ITGA6: variants seen among roughly 807,000 people sequenced by gnomAD.
ITGA6 encodes integrin subunit alpha 6.
A neutral mutation model predicts 133.6 loss-of-function variants in ITGA6; 63 were observed. That is an observed-to-expected ratio of 0.47 (90% confidence interval 0.38 to 0.58). The LOEUF (loss-of-function observed/expected upper bound fraction) is 0.58, where lower values mean the gene tolerates loss of function less well. Ranked by LOEUF, ITGA6 falls within the 20% of genes least tolerant of loss-of-function variation. The probability of loss-of-function intolerance (pLI) is 0.00; values close to 1 mark genes in which losing one functional copy is unlikely to be tolerated. For synonymous variants in ITGA6, 434 were observed against 482.0 expected (o/e 0.90, Z 1.30); for missense variants, 1,068 against 1,309.4 (o/e 0.82, Z 2.85).
chr2:172,488,008 T>A lies in ITGA6; in HGVS notation c.2372T>A (p.Val791Glu). The A allele has an allele frequency of 1.2e-6, 2 of 1,613,978 alleles. No individual in the cohort carries two copies. Among genetic ancestry groups the A allele is most frequent in the Non-Finnish European group, 1.7e-6 (2 of 1,179,876 alleles). The change falls in exon 18 of 26, where the codon GTG becomes GAG. Residue 791 changes from valine to glutamate, a missense_variant. By Grantham distance (121) the Val-to-Glu change is moderately radical. Transcript: ENST00000684293. Reference sequence around the variant, plus strand: ...GCTCCAATTACAGCTAAAGCAAAAGTGGTTATTGAACTGCTTTTATCGGTC... The same window carrying A: ...GCTCCAATTACAGCTAAAGCAAAAGAGGTTATTGAACTGCTTTTATCGGTC... Reference protein sequence around the residue: ...NLAPITAKAKVVIELLLSVSG... With the variant: ...NLAPITAKAKEVIELLLSVSG...
At chr2:172,468,092 A>G (rs1225389732) in intron 3 of ITGA6, among the ~76,000 whole-genome samples, 2 of 152,262 alleles carry the variant, frequency 1.3e-5, no homozygotes, top group African/African-American at 2.4e-5. Context: ...CCTTTACTAA[A>G]TATTCCTACA....
chr2:172,466,516 A>T (rs1365073422), intron 2 of ITGA6, among the ~76,000 whole-genome samples: 1 of 152,154 alleles, frequency 6.6e-6, no homozygotes, highest in Non-Finnish European at 1.5e-5. Flanking sequence ...GCTACTTAGG[A>T]GGCTGAGGCG....
At chr2:172,428,135 T>G (rs1405770603) in intron 1 of ITGA6, 165 bp downstream of exon 1, 2 of 457,424 alleles carry the variant, frequency 4.4e-6, no homozygotes, top group African/African-American at 2.1e-5. Flanking sequence ...CTCCCCGCCC[T>G]GACCCGCCCC....
intron 9 of ITGA6, among the ~76,000 whole-genome samples, chr2:172,479,404 A>G (rs940155330): frequency 2.6e-5 from 4 of 152,260 alleles, no homozygotes; most frequent in Non-Finnish European, 4.4e-5. Context: ...CATGTTGCAC[A>G]TGTACTCATA....
At chr2:172,475,808 A>G in intron 8 of ITGA6, 123 bp downstream of exon 8, 1 of 674,180 alleles carries the variant, frequency 1.5e-6, no homozygotes, top group Non-Finnish European at 2.7e-6. Context: ...AATAGTATAA[A>G]TTTTTTAAAA....
intron 15 of ITGA6, 33 bp downstream of exon 15, chr2:172,487,486 A>T (rs758208875): frequency 1.1e-5 from 17 of 1,611,790 alleles, no homozygotes; most frequent in Non-Finnish European, 1.4e-5. Flanking sequence ...TGAGAGGGGA[A>T]AAAAATCAAC....
rs1168502387 is a variant in ITGA6, at chr2:172,505,278, G to C, written c.*1210G>C. ...CTTGGAGAAAATGGGTTTATTCACTGAACTCTAGTGCGGTTTACTCACTGC... is the reference window on the plus strand; with the variant it reads ...CTTGGAGAAAATGGGTTTATTCACTCAACTCTAGTGCGGTTTACTCACTGC... On this transcript the variant is annotated 3_prime_UTR_variant, in exon 26 of 26. Coordinates refer to ENST00000684293, the MANE Select transcript of ITGA6 (RefSeq NM_000210.4). The C allele has an allele frequency of 6.6e-6, 1 of 152,162 alleles. No homozygotes were observed. Among genetic ancestry groups the C allele is most frequent in the Admixed American group, 6.5e-5 (1 of 15,272 alleles). The allele number at this position is 152,162 out of a possible 1,614,324, so 9.4% of individuals were successfully genotyped here.
intron 1 of ITGA6, among the ~76,000 whole-genome samples, chr2:172,457,313 AAAG>A (rs1685250730): frequency 1.3e-5 from 2 of 151,634 alleles, no homozygotes; most frequent in Non-Finnish European, 2.9e-5. Context: ...AAAAAAAAAA[AAAG>A]AAGCAAAGAA....
At chr2:172,470,892 T>C in intron 4 of ITGA6, 82 bp from the exon 5 acceptor site, 12 of 1,421,622 alleles carry the variant, frequency 8.4e-6, no homozygotes, top group Non-Finnish European at 1.2e-5. Flanking sequence ...AGTGATAGCA[T>C]GGGGGATGTT....
Position 172,500,338 on chromosome 2 carries a change from C to T in ITGA6, c.3115-1434C>T, listed in dbSNP as rs552092926. Among the ~76,000 whole-genome samples, 288 of 152,128 alleles carry T rather than the reference C, an allele frequency of 1.9e-3. 1 individual carries two copies. Among genetic ancestry groups the T allele is most frequent in the African/African-American group, 6.6e-3 (275 of 41,508 alleles). ...GATATTAAGAATGTTGCTGGCTGGGCGCGGTGGCTCCTGCCTGTAATCCCA... is the reference window on the plus strand; with the variant it reads ...GATATTAAGAATGTTGCTGGCTGGGTGCGGTGGCTCCTGCCTGTAATCCCA... On this transcript the variant is annotated intron_variant, in intron 24 of 25. Coordinates refer to ENST00000684293, the MANE Select transcript of ITGA6 (RefSeq NM_000210.4).
chr2:172,495,797 T>G (rs1331480574), intron 23 of ITGA6, among the ~76,000 whole-genome samples: 1 of 152,154 alleles, frequency 6.6e-6, no homozygotes, highest in Admixed American at 6.5e-5. Context: ...GGCTGCAAAA[T>G]CAAAAATTAC....
At chr2:172,489,808 G>C (rs1235845804) in intron 20 of ITGA6, 150 bp downstream of exon 20, 4 of 745,424 alleles carry the variant, frequency 5.4e-6, no homozygotes, top group Non-Finnish European at 8.9e-6. Flanking sequence ...TTCTAGTTGG[G>C]TAACTGAGGG....
intron 1 of ITGA6, among the ~76,000 whole-genome samples, chr2:172,443,591 G>A (rs1472910832): frequency 2.0e-5 from 3 of 152,124 alleles, no homozygotes; most frequent in Non-Finnish European, 4.4e-5. Flanking sequence ...TTCAACAATC[G>A]AGTTTCCAGC....
intron 1 of ITGA6, among the ~76,000 whole-genome samples, chr2:172,434,546 C>T (rs1684239364): frequency 6.6e-6 from 1 of 152,126 alleles, no homozygotes; most frequent in Admixed American, 6.5e-5. Flanking sequence ...ATCCCACTGT[C>T]GCTTCATCTC....
chr2:172,469,292 T>C lies in ITGA6; in HGVS notation c.555T>C (p.Phe185=), dbSNP rs1685814247. The change falls in exon 4 of 26, where the codon TTT becomes TTC. Residue 185 remains phenylalanine (F), a synonymous_variant. Transcript: ENST00000684293. ...GGCGATTGAGAGGCCATGAGAAATTTGGCTCTTGCCAGCAAGGTGTAGCAG... is the reference window on the plus strand; with the variant it reads ...GGCGATTGAGAGGCCATGAGAAATTCGGCTCTTGCCAGCAAGGTGTAGCAG... ...CDGRLRGHEK[F]GSCQQGVAAT... is the part of the protein sequence containing the mutation. 6.2e-7 allele frequency: 1 copy of C among 1,614,184 alleles called. No individual in the cohort carries two copies.
intron 5 of ITGA6, 41 bp from the exon 6 acceptor site, chr2:172,474,014 A>G (rs1417805355): frequency 1.4e-6 from 2 of 1,424,988 alleles, no homozygotes; most frequent in South Asian, 1.2e-5. Flanking sequence ...CCTAAAATAT[A>G]TGGATTGATG....
At chr2:172,485,093 T>A in intron 12 of ITGA6, 28 bp from the exon 13 acceptor site, 1 of 1,612,628 alleles carries the variant, frequency 6.2e-7, no homozygotes, top group Non-Finnish European at 8.5e-7. Flanking sequence ...ACACCCCACT[T>A]AACTCTGACT....
Position 172,487,001 on chromosome 2 carries a change from A to G in ITGA6, c.1855-22A>G, listed in dbSNP as rs781235066. The G allele has an allele frequency of 2.1e-4, 275 of 1,332,032 alleles. 1 individual carries two copies. Among genetic ancestry groups the G allele is most frequent in the Non-Finnish European group, 2.1e-4 (198 of 923,094 alleles). The allele number at this position is 1,332,032 out of a possible 1,614,324, so 82.5% of individuals were successfully genotyped here. A position where few individuals can be genotyped will look rare whatever the true frequency, so the allele number is the denominator to read the frequency against. ...TGAGTCCTGAATGGTGTAAATTGACAATAGTTTTCGTTTTCCTACAGGTTC... is the reference window on the plus strand; with the variant it reads ...TGAGTCCTGAATGGTGTAAATTGACGATAGTTTTCGTTTTCCTACAGGTTC... On this transcript the variant is annotated intron_variant, in intron 13 of 25. Transcript: ENST00000684293.
In ITGA6 at chr2:172,427,762, C is replaced by T. The variant is rs745810797; in HGVS notation, c.-27C>T. The T allele has an allele frequency of 3.9e-6, 6 of 1,557,086 alleles. No homozygotes were observed. In the Admixed American group the frequency reaches 1.1e-4, roughly 30 times the overall value. ...GAGCGCAGGGCGGCCGCTGCAGGTC[C>T]CCGCTCCCCTCCCCGTGCGTCCGCC... On this transcript the variant is annotated 5_prime_UTR_variant, in exon 1 of 26. Coordinates refer to ENST00000684293, the MANE Select transcript of ITGA6 (RefSeq NM_000210.4).
Sources: allele counts gnomAD v4.1 joint callset (sites outside exome capture counted in the v4.1 genomes callset), GRCh38; gene constraint gnomAD v4.1.1; transcripts MANE v1.5; gene names NCBI Gene and HGNC (gene_info 2026-07-23, HGNC 2026-07-21).